Variants in PDE1A observed in about 807,000 individuals in gnomAD.
The protein encoded by PDE1A is dual specificity calcium/calmodulin-dependent 3',5'-cyclic nucleotide phosphodiesterase 1A.
In PDE1A, 35 loss-of-function variants were observed where a neutral mutation model predicts 61.7. The ratio of observed to expected loss-of-function variants is 0.57; its 90% CI spans 0.43 to 0.75. The LOEUF (loss-of-function observed/expected upper bound fraction) is 0.75. Ranked by LOEUF, PDE1A falls within the 30% of genes least tolerant of loss-of-function variation. The pLI is 0.00. For missense variants in PDE1A, 597 were observed against 630.6 expected (o/e 0.95, Z 0.57); for synonymous variants, 232 against 213.2 (o/e 1.09, Z -0.77).
the PDE1A span, among the ~76,000 whole-genome samples, chr2:182,627,194 T>TTATTTATATATAAAATATAAATAA: frequency 3.0e-3 from 47 of 15,784 alleles, 4 homozygotes; most frequent in African/African-American, 8.2e-3. Context: ...AATATAAATA[T>TTATTTATATATAAAATATAAATAA]TATATTATTT....
Position 182,234,379 on chromosome 2 carries a change from G to T in PDE1A, c.417+53C>A. On this transcript the variant is annotated intron_variant, in intron 4 of 13. Coordinates refer to ENST00000351439, the Ensembl canonical transcript of PDE1A. ...TCTCATTTTCTCATAGCCTTTTTAA[G>T]AGAATTTTTTAAAATGACCATTTTA... is the stretch of plus-strand genomic sequence containing the variant. The T allele has an allele frequency of 2.4e-6, 3 of 1,226,018 alleles. No homozygotes were observed. In the South Asian group the frequency reaches 3.8e-5, roughly 16 times the overall value. The allele number at this position is 1,226,018 out of a possible 1,614,324, so 75.9% of individuals were successfully genotyped here.
the PDE1A span, among the ~76,000 whole-genome samples, chr2:182,569,853 C>T: frequency 6.6e-6 from 1 of 152,336 alleles, no homozygotes; most frequent in South Asian, 2.1e-4. Flanking sequence ...TTCGATACTA[C>T]TCTTACTGAA....
In PDE1A at chr2:182,508,505, C is replaced by T. The variant is rs557429977; in HGVS notation, c.101+13771G>A. Among the ~76,000 whole-genome samples, 22 of 151,178 alleles carry T rather than the reference C, an allele frequency of 1.5e-4. No individual in the cohort carries two copies. The East Asian group carries it at 2.7e-3, about 19-fold the overall frequency. ...GGAAAAACTGGCATGTGGAGTAATT[C>T]ATTTATGTTTTCTAAGCAAAAGTTC... On this transcript the variant is annotated intron_variant, in intron 2 of 14. Coordinates refer to the PDE1A transcript ENST00000410103.
chr2:182,597,671 T>C, the PDE1A span, among the ~76,000 whole-genome samples: 2 of 152,222 alleles, frequency 1.3e-5, no homozygotes, highest in African/African-American at 4.8e-5. Flanking sequence ...AATAGAAATC[T>C]CTAGATGCTA....
At chr2:182,320,664 A>C (rs1368911834) in intron 1 of PDE1A, among the ~76,000 whole-genome samples, 1 of 152,180 alleles carries the variant, frequency 6.6e-6, no homozygotes, top group East Asian at 1.9e-4. Flanking sequence ...GTTAGCTATT[A>C]ATTTTAGCAA....
At chr2:182,692,605 A>G in the PDE1A span, among the ~76,000 whole-genome samples, 1 of 151,546 alleles carries the variant, frequency 6.6e-6, no homozygotes, top group African/African-American at 2.4e-5. Context: ...CCAACATGGC[A>G]CATGTATACA....
the PDE1A span, among the ~76,000 whole-genome samples, chr2:182,553,419 A>T: frequency 6.6e-6 from 1 of 152,188 alleles, no homozygotes; most frequent in Non-Finnish European, 1.5e-5. Flanking sequence ...TAGTAGAGAC[A>T]GGGTTTCACC....
At chr2:182,244,095 G>A (rs1007392145) in intron 2 of PDE1A, among the ~76,000 whole-genome samples, 13 of 152,240 alleles carry the variant, frequency 8.5e-5, no homozygotes, top group Admixed American at 7.2e-4. Context: ...TCGAACTCCC[G>A]ACCTCAGGTG....
At chr2:182,176,209 C>T (rs1209262759) in intron 13 of PDE1A, among the ~76,000 whole-genome samples, 2 of 147,830 alleles carry the variant, frequency 1.4e-5, no homozygotes, top group Non-Finnish European at 3.0e-5. Context: ...TAGTTTTTTC[C>T]AATTCTGTGA....
chr2:182,313,192 T>C (rs998167533), intron 1 of PDE1A, among the ~76,000 whole-genome samples: 39 of 152,156 alleles, frequency 2.6e-4, no homozygotes, highest in African/African-American at 7.2e-4. Context: ...GGCAGGCAGA[T>C]CACGTAAGAT....
At chr2:182,193,062 A>G (rs745480779) in intron 10 of PDE1A, among the ~76,000 whole-genome samples, 3 of 152,006 alleles carry the variant, frequency 2.0e-5, no homozygotes, top group Non-Finnish European at 4.4e-5. Flanking sequence ...GTATCGGCTC[A>G]CTGCAACCTC....
At chr2:182,285,267 C>T (rs1559295503) in intron 1 of PDE1A, among the ~76,000 whole-genome samples, 1 of 152,038 alleles carries the variant, frequency 6.6e-6, no homozygotes. Flanking sequence ...AGAGTGTTTT[C>T]TTTTCTTGTT....
chr2:182,509,657 A>G (rs536385960), intron 2 of PDE1A, among the ~76,000 whole-genome samples: 1 of 152,332 alleles, frequency 6.6e-6, no homozygotes, highest in South Asian at 2.1e-4. Flanking sequence ...ATACAGATAA[A>G]AAGTAAAATC....
chr2:182,540,385 A>AAT, the PDE1A span, among the ~76,000 whole-genome samples: 1 of 50,632 alleles, frequency 2.0e-5, no homozygotes, highest in South Asian at 8.3e-4. Flanking sequence ...AAAAAAAAAA[A>AAT]GCAGCAGCAG....
At chr2:182,167,877 A>G (rs1691741705), downstream of PDE1A, 2 of 1,039,992 alleles carry the variant, frequency 1.9e-6, no homozygotes, top group African/African-American at 1.7e-5. Context: ...GAAAAGGGAC[A>G]ATCTAAGGTG....
the PDE1A span, among the ~76,000 whole-genome samples, chr2:182,711,195 G>A: frequency 6.6e-6 from 1 of 152,100 alleles, no homozygotes; most frequent in Non-Finnish European, 1.5e-5. Flanking sequence ...GAACCTGAGT[G>A]GAGTAAACAG....
chr2:182,342,066 G>A (rs1698221009), intron 1 of PDE1A, among the ~76,000 whole-genome samples: 1 of 152,000 alleles, frequency 6.6e-6, no homozygotes, highest in South Asian at 2.1e-4. Flanking sequence ...CACCACACCC[G>A]GCCCTTTTCT....
chr2:182,593,115 G>A, the PDE1A span, among the ~76,000 whole-genome samples: 1 of 152,204 alleles, frequency 6.6e-6, no homozygotes, highest in African/African-American at 2.4e-5. Context: ...ATGCCCCTGA[G>A]AGTCTTCCAG....
the PDE1A span, among the ~76,000 whole-genome samples, chr2:182,658,060 A>C: frequency 6.1e-4 from 70 of 114,646 alleles, no homozygotes; most frequent in African/African-American, 1.7e-3. Context: ...AAAAAAAAAA[A>C]AAAAAAAAAA....
Sources: gnomAD v4.1 joint callset for allele counts (sites outside exome capture counted in the v4.1 genomes callset) on GRCh38, gnomAD v4.1.1 for gene constraint, MANE v1.5 for transcripts, NCBI Gene and HGNC (gene_info 2026-07-23, HGNC 2026-07-21) for gene names.